ZNF408: variants seen among roughly 807,000 people sequenced by gnomAD.
ZNF408 encodes PR domain zinc finger protein 17.
Under a neutral mutation model 27.6 loss-of-function variants are expected in ZNF408, and 24 were observed. The ratio of observed to expected loss-of-function variants is 0.87; its 90% CI spans 0.63 to 1.22. The LOEUF (loss-of-function observed/expected upper bound fraction) is 1.22, where lower values mean the gene tolerates loss of function less well. ZNF408 is among the 50% of genes most tolerant of loss of function. The pLI, the probability that ZNF408 is intolerant of heterozygous loss-of-function variation, is 0.00. For synonymous variants in ZNF408, 410 were observed against 396.1 expected, an observed-to-expected ratio of 1.04 and a Z score of -0.42; for missense variants, 897 against 949.0, an observed-to-expected ratio of 0.95 and a Z score of 0.72.
In ZNF408 at chr11:46,704,816, A is replaced by G. The variant is rs1012123750; in HGVS notation, c.1116A>G (p.Ala372=). Residue 372 remains alanine, a synonymous_variant, in exon 5 of 5, where the codon GCA becomes GCG. Coordinates refer to ENST00000311764, the MANE Select transcript of ZNF408 (RefSeq NM_024741.3). ...FLQLCHLKKH[A]FVHTGHKPFL... ...AGCTGTGCCACCTAAAGAAGCACGCATTTGTGCACACGGGCCACAAGCCCT... is the reference window on the plus strand; with the variant it reads ...AGCTGTGCCACCTAAAGAAGCACGCGTTTGTGCACACGGGCCACAAGCCCT... 9 of 1,600,866 alleles carry G rather than the reference A, an allele frequency of 5.6e-6. No individual in the cohort carries two copies. The highest frequency in any genetic ancestry group is 1.7e-4 in the Middle Eastern group (1 of 5,990).
rs2064734439 is a variant in ZNF408 at position 46,704,430 on chromosome 11, C to T, written c.730C>T (p.Arg244Ter). 3 of 1,614,078 alleles carry T rather than the reference C, an allele frequency of 1.9e-6. No homozygotes were observed. The highest frequency in any genetic ancestry group is 2.2e-5 in the South Asian group (2 of 91,086). Reference sequence around the variant, plus strand: ...TGGACTTAAGTTCCCAACCCAGGACCGAATTTCCAAGGATAGCCAGCCACT... The same window carrying T: ...TGGACTTAAGTTCCCAACCCAGGACTGAATTTCCAAGGATAGCCAGCCACT... Reference protein sequence around the residue: ...SPGLKFPTQDRISKDSQPLGP... With the variant: ...SPGLKFPTQD Residue 244 changes from arginine (R) to a stop codon, truncating the protein, a stop_gained, in exon 5 of 5, where the codon CGA (arginine) becomes TGA (stop). Transcript: ENST00000311764. LOFTEE classifies it low-confidence loss of function (END_TRUNC).
At chr11:46,704,029 G>A (rs930196656) in intron 4 of ZNF408, among the ~76,000 whole-genome samples, 5 of 151,956 alleles carry the variant, frequency 3.3e-5, no homozygotes, top group African/African-American at 7.3e-5. Flanking sequence ...CACCGTGCCC[G>A]GCTGGAAGGG....
chr11:46,704,375 T>A lies in ZNF408; in HGVS notation c.675T>A (p.Ser225=), dbSNP rs773110216. The part of the protein sequence containing the change: ...PCIDPGSQSP[S]GIQAENMVSP... ...CAGATCCTGGTTCCCAGTCACCCTCTGGCATCCAGGCAGAGAATATGGTGA... is the reference window on the plus strand; with the variant it reads ...CAGATCCTGGTTCCCAGTCACCCTCAGGCATCCAGGCAGAGAATATGGTGA... The change falls in exon 5 of 5, where the codon TCT becomes TCA. Residue 225 remains serine (S), a synonymous_variant. Transcript: ENST00000311764. 1 of 1,599,796 alleles carries A rather than the reference T, an allele frequency of 6.3e-7. No homozygotes were observed. Among genetic ancestry groups the A allele is most frequent in the South Asian group, 1.1e-5 (1 of 89,080 alleles).
chr11:46,701,582 G>C lies in ZNF408; in HGVS notation c.236G>C (p.Gly79Ala). Residue 79 changes from glycine (G) to alanine (A), a missense_variant, in exon 2 of 5, where the codon GGG (glycine) becomes GCG (alanine). Transcript: ENST00000311764. ...CAGCGCTTGGGGGTCTGGTGTGTCGGGGACCCCCTGCAGCCCGGCCTGCTG... is the reference window on the plus strand; with the variant it reads ...CAGCGCTTGGGGGTCTGGTGTGTCGCGGACCCCCTGCAGCCCGGCCTGCTG... ...KEQRLGVWCV[G>A]DPLQPGLLWG... The C allele has an allele frequency of 2.5e-6, 4 of 1,612,576 alleles. No individual in the cohort carries two copies. The highest frequency in any genetic ancestry group is 3.4e-6 in the Non-Finnish European group (4 of 1,179,452).
rs766978108 is a variant in ZNF408 at position 46,701,540 on chromosome 11, C to T, written c.194C>T (p.Pro65Leu). The T allele has an allele frequency of 1.9e-6, 3 of 1,613,730 alleles. No individual in the cohort carries two copies. The highest frequency in any genetic ancestry group is 2.5e-6 in the Non-Finnish European group (3 of 1,180,024). ...CTTCCCCGGGGCTTGGCCCTTGGCC[C>T]CTCACTCGCCAAGGAACAGCGCTTG... is the stretch of plus-strand genomic sequence containing the variant. The part of the protein sequence containing the change: ...KSLPRGLALG[P>L]SLAKEQRLGV... Residue 65 changes from proline (P) to leucine (L), a missense_variant, in exon 2 of 5, where the codon CCC (proline) becomes CTC (leucine). Physicochemically the swap from Pro to Leu is moderately conservative, Grantham distance 98. Transcript: ENST00000311764.
chr11:46,703,758 G>GTTTTTTT lies in ZNF408; in HGVS notation c.652+517_652+518insTTTTTTT, dbSNP rs371644247. ...TTTGTTTTGTTTTGTTGTTGTTGTT[G>GTTTTTTT]TTGTTGTTGTTGTTTTTTTTTTTTT... On this transcript the variant is annotated intron_variant, in intron 4 of 4. Coordinates refer to ENST00000311764, the MANE Select transcript of ZNF408 (RefSeq NM_024741.3). 3.6e-4 allele frequency among the ~76,000 whole-genome samples: 34 copies of GTTTTTTT among 94,156 alleles called. 8 individuals carry two copies. Among genetic ancestry groups the GTTTTTTT allele is most frequent in the East Asian group, 1.2e-3 (3 of 2,538 alleles). The allele number at this position is 94,156 out of a possible 152,430, so 61.8% of individuals were successfully genotyped here.
Position 46,705,481 on chromosome 11 carries a change from T to C in ZNF408, c.1781T>C (p.Leu594Pro). 6.2e-7 allele frequency: 1 copy of C among 1,606,448 alleles called. No individual in the cohort carries two copies. Among genetic ancestry groups the C allele is most frequent in the Non-Finnish European group, 8.5e-7 (1 of 1,179,952 alleles). ...CGRAYTLATK[L>P]RRHLKSHLED... ...CGTGCTTACACGCTGGCCACCAAGC[T>C]GCGGCGCCACCTCAAATCTCACTTG... Residue 594 changes from leucine to proline, a missense_variant, in exon 5 of 5, where the codon CTG becomes CCG. Transcript: ENST00000311764. The surrounding 1 kb of genome is among the most constrained non-coding windows in gnomAD (Gnocchi z 6.5).
Position 46,703,082 on chromosome 11 carries a change from G to A in ZNF408, c.491G>A (p.Gly164Asp). ...CAAGTGTACCAGCTGGTGCTGCCAG[G>A]CTCTGAACTGCTGCTGTGGCCCCAG... ...HLQVYQLVLP[G>D]SELLLWPQPS... The change falls in exon 4 of 5, where the codon GGC becomes GAC. Residue 164 changes from glycine to aspartate, a missense_variant. Transcript: ENST00000311764. 6.2e-7 allele frequency: 1 copy of A among 1,613,300 alleles called. No individual in the cohort carries two copies. Among genetic ancestry groups the A allele is most frequent in the South Asian group, 1.1e-5 (1 of 90,970 alleles).
At position 46,701,046 on chromosome 11, in the gene ZNF408, G is replaced by C. The variant is rs2064699468; in HGVS notation, c.-2G>C. On this transcript the variant is annotated 5_prime_UTR_variant, in exon 1 of 5. Coordinates refer to ENST00000311764, the MANE Select transcript of ZNF408 (RefSeq NM_024741.3). ...CGGCGTAGGGAGGCTTTCTGACCCG[G>C]AATGGAGGAGGCGGAGGAGCTGCTC... 6.2e-7 allele frequency: 1 copy of C among 1,614,162 alleles called. No homozygotes were observed. The highest frequency in any genetic ancestry group is 8.5e-7 in the Non-Finnish European group (1 of 1,180,012).
Position 46,704,412 on chromosome 11 carries a change from A to G in ZNF408, c.712A>G (p.Lys238Glu). ...QAENMVSPGL[K>E]FPTQDRISKD... ...AGAGAATATGGTGAGCCCTGGACTT[A>G]AGTTCCCAACCCAGGACCGAATTTC... The change falls in exon 5 of 5, where the codon AAG becomes GAG. Residue 238 changes from lysine (K) to glutamate (E), a missense_variant. By Grantham distance (56) the Lys-to-Glu change is moderately conservative. Transcript: ENST00000311764. 1 of 1,613,666 alleles carries G rather than the reference A, an allele frequency of 6.2e-7. No individual in the cohort carries two copies. Among genetic ancestry groups the G allele is most frequent in the Non-Finnish European group, 8.5e-7 (1 of 1,179,750 alleles).
At chr11:46,702,073 C>T (rs1286819818) in intron 2 of ZNF408, among the ~76,000 whole-genome samples, 2 of 152,186 alleles carry the variant, frequency 1.3e-5, no homozygotes, top group African/African-American at 4.8e-5. Flanking sequence ...GGTTTCACTG[C>T]ACAATAAGTA....
rs2134504985 is a variant in ZNF408 at position 46,701,419 on chromosome 11, C to A, written c.73C>A (p.Leu25Met). 1 of 1,613,906 alleles carries A rather than the reference C, an allele frequency of 6.2e-7. No homozygotes were observed. Among genetic ancestry groups the A allele is most frequent in the South Asian group, 1.1e-5 (1 of 91,084 alleles). The change falls in exon 2 of 5, where the codon CTG becomes ATG. Residue 25 changes from leucine (L) to methionine (M), a missense_variant. Transcript: ENST00000311764. ...LQLAREPRLG[L>M]DLGWNPSGEG... ...TGCAGCCCGCGAGCCGCGCCTGGGC[C>A]TGGACTTAGGATGGAACCCTTCCGG...
At chr11:46,703,842 G>A (rs1377529943) in intron 4 of ZNF408, among the ~76,000 whole-genome samples, 3 of 142,776 alleles carry the variant, frequency 2.1e-5, no homozygotes, top group Admixed American at 1.5e-4. Context: ...GTCTCAGCTC[G>A]CTGCAACCTC....
intron 2 of ZNF408, chr11:46,701,979 G>A (rs898488953): frequency 9.5e-5 from 27 of 283,998 alleles, no homozygotes; most frequent in Admixed American, 1.9e-4. Flanking sequence ...GTTAAATTAC[G>A]TGCCGCATTT....
chr11:46,703,274 C>T, intron 4 of ZNF408, 31 bp downstream of exon 4: 2 of 1,585,578 alleles, frequency 1.3e-6, no homozygotes, highest in Non-Finnish European at 1.7e-6. Flanking sequence ...GGTTTCCCAG[C>T]AATTTCCCCA....
chr11:46,705,003 C>T lies in ZNF408; in HGVS notation c.1303C>T (p.Arg435Trp), dbSNP rs747780603. Reference sequence around the variant, plus strand: ...GCACCAGGTGGTACATTCAGGTGCCCGGCCCTTTGCTTGTGACCAGTGTGG... The same window carrying T: ...GCACCAGGTGGTACATTCAGGTGCCTGGCCCTTTGCTTGTGACCAGTGTGG... The part of the protein sequence containing the change: ...KEHQVVHSGA[R>W]PFACDQCGKA... Residue 435 changes from arginine to tryptophan, a missense_variant, in exon 5 of 5, where the codon CGG (arginine) becomes TGG (tryptophan). Arg to Trp is a moderately radical substitution (Grantham distance 101). Transcript: ENST00000311764. This position sits in a 1 kb window ranked among gnomAD's most constrained non-coding sequence, Gnocchi z 6.5. 5.6e-6 allele frequency: 9 copies of T among 1,613,456 alleles called. No homozygotes were observed. The highest frequency in any genetic ancestry group is 2.7e-5 in the African/African-American group (2 of 75,060).
chr11:46,705,166 TC>T lies in ZNF408; in HGVS notation c.1468del (p.His490IlefsTer211). 2.5e-6 allele frequency: 4 copies of T among 1,611,394 alleles called. No homozygotes were observed. The highest frequency in any genetic ancestry group is 3.4e-6 in the Non-Finnish European group (4 of 1,179,924). The stretch of plus-strand genomic sequence containing the variant: ...GGCTCCCTGCGGAACCATATGAGGC[TC>T]CATACAGGAGAAAAGCCTTTCCTGT... ...NQGSLRNHMR[L>X]HTGEKPFLCP... On this transcript the variant is annotated frameshift_variant, in exon 5 of 5. Coordinates refer to ENST00000311764, the MANE Select transcript of ZNF408 (RefSeq NM_024741.3). LOFTEE classifies it low-confidence loss of function (END_TRUNC). The surrounding 1 kb of genome is among the most constrained non-coding windows in gnomAD (Gnocchi z 6.5).
rs761895730 is a variant in ZNF408 at position 46,705,591 on chromosome 11, C to T, written c.1891C>T (p.Pro631Ser). ...CAGGCGGCATCAGCTCAGTCACCGG[C>T]CTGAGGCACCCTGCAGCCCACCCTC... Reference protein sequence around the residue: ...SLRRHQLSHRPEAPCSPPSVP... With the variant: ...SLRRHQLSHRSEAPCSPPSVP... Residue 631 changes from proline to serine, a missense_variant, in exon 5 of 5, where the codon CCT becomes TCT. Physicochemically the swap from Pro to Ser is moderately conservative, Grantham distance 74. Transcript: ENST00000311764. The surrounding 1 kb of genome is among the most constrained non-coding windows in gnomAD (Gnocchi z 6.5). 5.6e-6 allele frequency: 9 copies of T among 1,609,124 alleles called. No homozygotes were observed. The highest frequency in any genetic ancestry group is 7.6e-6 in the Non-Finnish European group (9 of 1,180,006).
At chr11:46,703,345 A>C (rs1005937467) in intron 4 of ZNF408, 102 bp downstream of exon 4, 1 of 1,399,698 alleles carries the variant, frequency 7.1e-7, no homozygotes, top group Non-Finnish European at 9.5e-7. Flanking sequence ...AAGGAAGGAC[A>C]CTATAGAGTC....
Sources: gnomAD v4.1 joint callset for allele counts (sites outside exome capture counted in the v4.1 genomes callset) on GRCh38, gnomAD v4.1.1 for gene constraint, Gnocchi (gnomAD v3.1) non-coding constraint, MANE v1.5 for transcripts, NCBI Gene and HGNC (gene_info 2026-07-23, HGNC 2026-07-21) for gene names.